Variants in IGSF3 observed in about 807,000 individuals in gnomAD.
The protein encoded by IGSF3 is glu-Trp-Ile EWI motif-containing protein 3.
In IGSF3, 23 loss-of-function variants were observed where a neutral mutation model predicts 114.4. The observed-to-expected ratio is 0.20, with a 90% CI of 0.14 to 0.28. The LOEUF is 0.28. Among genes scored for constraint, IGSF3 ranks in the 10% least tolerant of loss-of-function variants. The probability of loss-of-function intolerance (pLI) is 1.00; values close to 1 mark genes in which losing one functional copy is unlikely to be tolerated. For missense variants in IGSF3, 1,172 were observed against 1,591.5 expected (o/e 0.74, Z 4.48); for synonymous variants, 571 against 645.2 (o/e 0.88, Z 1.74).
Position 116,594,617 on chromosome 1 carries a change from T to A in IGSF3, c.2029+5324A>T, listed in dbSNP as rs930944306. Among the ~76,000 whole-genome samples the A allele has an allele frequency of 6.6e-6, 1 of 152,206 alleles. No homozygotes were observed. The highest frequency in any genetic ancestry group is 2.4e-5 in the African/African-American group (1 of 41,444). On this transcript the variant is annotated intron_variant, in intron 7 of 10. Coordinates refer to ENST00000369486, the MANE Select transcript of IGSF3 (RefSeq NM_001007237.3). The surrounding 1 kb of genome is among the most constrained non-coding windows in gnomAD (Gnocchi z 5.2). ...CTTGCCCAAGGTCACACAGCTGGCT[T>A]AGTGGTAGAGCTGGAATTCAAACCC...
intron 2 of IGSF3, among the ~76,000 whole-genome samples, chr1:116,626,028 A>T (rs1480585191): frequency 6.6e-6 from 1 of 152,218 alleles, no homozygotes; most frequent in African/African-American, 2.4e-5. Context: ...TAATTCCCTC[A>T]TTACTAAATG....
In IGSF3 at chr1:116,583,132, A is replaced by G. The variant is rs1019827166; in HGVS notation, c.2848+1513T>C. 6.6e-6 allele frequency among the ~76,000 whole-genome samples: 1 copy of G among 152,120 alleles called. No individual in the cohort carries two copies. Among genetic ancestry groups the G allele is most frequent in the Non-Finnish European group, 1.5e-5 (1 of 68,030 alleles). Reference sequence around the variant, plus strand: ...CTCATGAGTAAAACCTACCACTCAGAGTTATTGTGAAGACTGAACATAAGT... The same window carrying G: ...CTCATGAGTAAAACCTACCACTCAGGGTTATTGTGAAGACTGAACATAAGT... On this transcript the variant is annotated intron_variant, in intron 9 of 10. Coordinates refer to ENST00000369486, the MANE Select transcript of IGSF3 (RefSeq NM_001007237.3). The surrounding 1 kb of genome is among the most constrained non-coding windows in gnomAD (Gnocchi z 4.5).
rs753999258 is a variant in IGSF3 at position 116,577,590 on chromosome 1, C to A, written c.3335-28G>T. ...GAAAAGAATCATGAGAGAGACAAGACAATGAGGGCTGAGAACCTGGACTGC... is the reference window on the plus strand; with the variant it reads ...GAAAAGAATCATGAGAGAGACAAGAAAATGAGGGCTGAGAACCTGGACTGC... On this transcript the variant is annotated intron_variant, in intron 10 of 10. Transcript: ENST00000369486. This position sits in a 1 kb window ranked among gnomAD's most constrained non-coding sequence, Gnocchi z 5.7. The A allele has an allele frequency of 5.0e-6, 8 of 1,609,980 alleles. No homozygotes were observed. Among genetic ancestry groups the A allele is most frequent in the Non-Finnish European group, 6.8e-6 (8 of 1,178,096 alleles).
intron 2 of IGSF3, among the ~76,000 whole-genome samples, chr1:116,643,517 C>T (rs1379921697): frequency 6.6e-6 from 1 of 152,262 alleles, no homozygotes; most frequent in Admixed American, 6.5e-5. Context: ...CTGAGGCTAG[C>T]AGGAGGTCTC....
Position 116,614,002 on chromosome 1 carries a change from T to A in IGSF3, c.595A>T (p.Ser199Cys). 6.2e-7 allele frequency: 1 copy of A among 1,614,036 alleles called. No individual in the cohort carries two copies. The highest frequency in any genetic ancestry group is 8.5e-7 in the Non-Finnish European group (1 of 1,179,948). Residue 199 changes from serine to cysteine, a missense_variant, in exon 4 of 11, where the codon AGC (serine) becomes TGC (cysteine). By Grantham distance (112) the Ser-to-Cys change is moderately radical. Transcript: ENST00000369486. This position sits in a 1 kb window ranked among gnomAD's most constrained non-coding sequence, Gnocchi z 4.5. Reference sequence around the variant, plus strand: ...CTGGAGTGAAGCATGAAATCTCGGCTCAGGGAGATGACCTCCACGGGCTTC... The same window carrying A: ...CTGGAGTGAAGCATGAAATCTCGGCACAGGGAGATGACCTCCACGGGCTTC... Reference protein sequence around the residue: ...GEKPVEVISLSRDFMLHSSSE... With the variant: ...GEKPVEVISLCRDFMLHSSSE...
chr1:116,599,031 G>A (rs1339306087), intron 7 of IGSF3, among the ~76,000 whole-genome samples: 1 of 152,086 alleles, frequency 6.6e-6, no homozygotes, highest in African/African-American at 2.4e-5. Context: ...AACTGGACAG[G>A]GCCTGGGTGC....
rs1193913591 is a variant in IGSF3, at chr1:116,627,689, T to C, written c.44-11232A>G. ...CAGCAAAAGCACTTGGGGGGCTTTT[T>C]CAAGTGGCATCAGAACTAGACCTGG... On this transcript the variant is annotated intron_variant, in intron 2 of 10. Transcript: ENST00000369486. The surrounding 1 kb of genome is among the most constrained non-coding windows in gnomAD (Gnocchi z 4.7). Among the ~76,000 whole-genome samples, 1 of 152,132 alleles carries C rather than the reference T, an allele frequency of 6.6e-6. No homozygotes were observed. Among genetic ancestry groups the C allele is most frequent in the Non-Finnish European group, 1.5e-5 (1 of 68,018 alleles).
At chr1:116,611,052 T>C (rs1457215395) in intron 4 of IGSF3, among the ~76,000 whole-genome samples, 1 of 152,208 alleles carries the variant, frequency 6.6e-6, no homozygotes, top group African/African-American at 2.4e-5. Context: ...CACTTGCTCT[T>C]TATTCTTTTG....
intron 2 of IGSF3, among the ~76,000 whole-genome samples, chr1:116,659,113 T>C (rs1179343979): frequency 6.6e-6 from 1 of 152,190 alleles, no homozygotes; most frequent in Non-Finnish European, 1.5e-5. Context: ...ATCTTTGATT[T>C]AGGATCTTGC....
At chr1:116,637,195 G>A (rs1159408656) in intron 2 of IGSF3, among the ~76,000 whole-genome samples, 2 of 152,174 alleles carry the variant, frequency 1.3e-5, no homozygotes, top group Non-Finnish European at 2.9e-5. Context: ...TGGACATCCT[G>A]CGTGCAGATA....
chr1:116,657,547 C>T lies in IGSF3; in HGVS notation c.43+8737G>A, dbSNP rs1035701217. ...ACTATATCAAGTGTGAACGATCATA[C>T]TGGTTATCATGTGGGAAAAAAGGTT... On this transcript the variant is annotated intron_variant, in intron 2 of 10. Transcript: ENST00000369486. The surrounding 1 kb of genome is among the most constrained non-coding windows in gnomAD (Gnocchi z 4.2). Among the ~76,000 whole-genome samples, 1 of 152,176 alleles carries T rather than the reference C, an allele frequency of 6.6e-6. No homozygotes were observed. The highest frequency in any genetic ancestry group is 1.9e-4 in the East Asian group (1 of 5,204).
rs2101445268 is a variant in IGSF3, at chr1:116,603,265, G to A, written c.1624+359C>T. Among the ~76,000 whole-genome samples the A allele has an allele frequency of 6.6e-6, 1 of 152,304 alleles. No individual in the cohort carries two copies. The highest frequency in any genetic ancestry group is 1.9e-4 in the East Asian group (1 of 5,188). On this transcript the variant is annotated intron_variant, in intron 6 of 10. Coordinates refer to ENST00000369486, the MANE Select transcript of IGSF3 (RefSeq NM_001007237.3). The surrounding 1 kb of genome is among the most constrained non-coding windows in gnomAD (Gnocchi z 7.1). ...TCTCTTTAAGGCCAGGCTGGCAGTG[G>A]CCATGCTCCTCCACCTGGGGCCACC...
rs774451014 is a variant in IGSF3, at chr1:116,627,013, A to G, written c.44-10556T>C. 8.5e-5 allele frequency among the ~76,000 whole-genome samples: 13 copies of G among 152,324 alleles called. 1 individual carries two copies. The highest frequency in any genetic ancestry group is 6.8e-3 in the Middle Eastern group (2 of 294). On this transcript the variant is annotated intron_variant, in intron 2 of 10. Transcript: ENST00000369486. The surrounding 1 kb of genome is among the most constrained non-coding windows in gnomAD (Gnocchi z 4.7). ...CTAGTATTTGCCTTCTATTTTCTAG[A>G]GGGGAAAAAAATTAAAAGGCAAGAT...
chr1:116,611,047 G>T (rs1161286271), intron 4 of IGSF3, among the ~76,000 whole-genome samples: 1 of 152,114 alleles, frequency 6.6e-6, no homozygotes, highest in East Asian at 1.9e-4. Context: ...CCTTCCACTT[G>T]CTCTTTATTC....
chr1:116,599,868 C>A (rs113790314), intron 7 of IGSF3, 73 bp downstream of exon 7: 2 of 1,351,660 alleles, frequency 1.5e-6, no homozygotes, highest in Non-Finnish European at 2.0e-6. Context: ...AAGGGCTCCA[C>A]GCACACCTTT....
rs369406152 is a variant in IGSF3, at chr1:116,584,999, G to T, written c.2494C>A (p.Arg832=). Residue 832 remains arginine, a synonymous_variant, in exon 9 of 11, where the codon CGG becomes AGG. Transcript: ENST00000369486. This position sits in a 1 kb window ranked among gnomAD's most constrained non-coding sequence, Gnocchi z 5.8. The part of the protein sequence containing the change: ...AQGNLSVLET[R]QVQLECVVLN... ...ACCACACACTCCAGCTGTACCTGCCGGGTCTCCAGAACCGACAGGTTCCCC... is the reference window on the plus strand; with the variant it reads ...ACCACACACTCCAGCTGTACCTGCCTGGTCTCCAGAACCGACAGGTTCCCC... 27 of 1,577,550 alleles carry T rather than the reference G, an allele frequency of 1.7e-5. No homozygotes were observed. Among genetic ancestry groups the T allele is most frequent in the Non-Finnish European group, 2.2e-5 (26 of 1,155,772 alleles).
chr1:116,580,959 C>T (rs964477843), intron 9 of IGSF3, among the ~76,000 whole-genome samples: 1 of 152,226 alleles, frequency 6.6e-6, no homozygotes, highest in African/African-American at 2.4e-5. Flanking sequence ...GACTTCTGGC[C>T]TGCAGAACTG....
chr1:116,579,661 T>C lies in IGSF3; in HGVS notation c.3065A>G (p.Asp1022Gly), dbSNP rs1398097082. 3.8e-6 allele frequency: 6 copies of C among 1,571,048 alleles called. No homozygotes were observed. The South Asian group carries it at 4.5e-5, about 12-fold the overall frequency. The change falls in exon 10 of 11, where the codon GAC becomes GGC. Residue 1022 changes from aspartate to glycine, a missense_variant. This residue lies in a region of IGSF3 where 423 missense variants were observed against 509.8 expected (regional missense o/e 0.83). Coordinates refer to ENST00000369486, the MANE Select transcript of IGSF3 (RefSeq NM_001007237.3). This position sits in a 1 kb window ranked among gnomAD's most constrained non-coding sequence, Gnocchi z 6.4. Reference protein sequence around the residue: ...EREEEEEEDDDDDDDPTERTA... With the variant: ...EREEEEEEDDGDDDDPTERTA... ...CCGCTCTGTTGGGTCGTCGTCGTCG[T>C]CGTCGTCCTCCTCCTCCTCCTCCTC...
In IGSF3 at chr1:116,666,432, A is replaced by G. The variant is rs755455950; in HGVS notation, c.-106T>C. 84 of 1,039,370 alleles carry G rather than the reference A, an allele frequency of 8.1e-5. No individual in the cohort carries two copies. The highest frequency in any genetic ancestry group is 4.3e-4 in the Admixed American group (24 of 55,434). 64.4% of individuals were successfully genotyped at this position (1,039,370 alleles called of 1,614,324 possible). A position where few individuals can be genotyped will look rare whatever the true frequency, so the allele number is the denominator to read the frequency against. The stretch of plus-strand genomic sequence containing the variant: ...ATAGCTCCAGAGAACAGTTTTGGAA[A>G]TAGAACTTAACTCGGAAAATGGGAA... On this transcript the variant is annotated 5_prime_UTR_variant, in exon 2 of 11. Coordinates refer to ENST00000369486, the MANE Select transcript of IGSF3 (RefSeq NM_001007237.3).
Sources: gnomAD v4.1 joint callset for allele counts (sites outside exome capture counted in the v4.1 genomes callset) on GRCh38, gnomAD v4.1.1 for gene constraint, gnomAD v4.1.1 regional missense constraint, Gnocchi (gnomAD v3.1) non-coding constraint, MANE v1.5 for transcripts, NCBI Gene and HGNC (gene_info 2026-07-23, HGNC 2026-07-21) for gene names.